The following ZNF18 variants were observed in gnomAD, a reference collection of about 807,000 sequenced individuals.
ZNF18 encodes the protein heart development-specific gene 1 protein.
A neutral mutation model predicts 58.1 loss-of-function variants in ZNF18; 42 were observed. The observed-to-expected ratio is 0.72, with a 90% CI of 0.56 to 0.93. ZNF18 has a LOEUF of 0.93. Among genes scored for constraint, ZNF18 ranks in the 40% least tolerant of loss-of-function variants. The pLI, the probability that ZNF18 is intolerant of heterozygous loss-of-function variation, is 0.00. For missense variants in ZNF18, 540 were observed against 644.2 expected, an observed-to-expected ratio of 0.84 and a Z score of 1.75; for synonymous variants, 231 against 239.8, an observed-to-expected ratio of 0.96 and a Z score of 0.34.
chr17:11,992,789 G>A lies in ZNF18; in HGVS notation c.41C>T (p.Ser14Leu), dbSNP rs142427652. 9.7e-5 allele frequency: 157 copies of A among 1,613,946 alleles called. No homozygotes were observed. In the African/African-American group the frequency reaches 1.1e-3, roughly 11 times the overall value. ...DLGQALGLLP[S>L]LAKAEDSQFS... ...CTGGGAGTCCTCGGCCTTCGCCAGCGATGGCAGCAGGCCTAGGGCCTGCCC... is the reference window on the plus strand; with the variant it reads ...CTGGGAGTCCTCGGCCTTCGCCAGCAATGGCAGCAGGCCTAGGGCCTGCCC... Residue 14 changes from serine to leucine, a missense_variant, in exon 2 of 7, where the codon TCG becomes TTG. Physicochemically the swap from Ser to Leu is moderately radical, Grantham distance 145 (BLOSUM62 -2). Transcript: ENST00000580306.
At chr17:11,990,330 T>C in intron 4 of ZNF18, 132 bp downstream of exon 4, 2 of 674,018 alleles carry the variant, frequency 3.0e-6, no homozygotes, top group South Asian at 4.5e-5. Context: ...CTAGAAAAAG[T>C]AAACTAACAT....
At chr17:12,001,440 T>C (rs1381699016), upstream of ZNF18, among the ~76,000 whole-genome samples, 2 of 151,972 alleles carry the variant, frequency 1.3e-5, no homozygotes, top group African/African-American at 4.8e-5. Context: ...CCATCCTGGC[T>C]AACATGGTGA....
At position 11,990,349 on chromosome 17, in the gene ZNF18, A is replaced by G. The variant is rs1054619675; in HGVS notation, c.666+113T>C. The G allele has an allele frequency of 2.0e-5, 16 of 810,846 alleles. No individual in the cohort carries two copies. In the African/African-American group the frequency reaches 2.6e-4, roughly 13 times the overall value. The allele number at this position is 810,846 out of a possible 1,614,324, so 50.2% of individuals were successfully genotyped here. A position where few individuals can be genotyped will look rare whatever the true frequency, so the allele number is the denominator to read the frequency against. On this transcript the variant is annotated intron_variant, in intron 4 of 6. Transcript: ENST00000580306. ...AAAAAGTAAACTAACATATGGTGAC[A>G]GACAGCAGATCAGAGGTTTCCTCAG...
intron 6 of ZNF18, 97 bp from the exon 7 acceptor site, chr17:11,978,841 T>A: frequency 7.2e-5 from 15 of 208,338 alleles, no homozygotes; most frequent in South Asian, 2.4e-4. Flanking sequence ...ATTCATTTTC[T>A]TTTTTTTTTT....
the ZNF18 span, among the ~76,000 whole-genome samples, chr17:12,005,627 T>G: frequency 7.9e-5 from 12 of 152,300 alleles, no homozygotes; most frequent in Admixed American, 3.9e-4. Context: ...TAACTAAGTG[T>G]CAAAAATAAA....
chr17:11,978,825 T>C, intron 6 of ZNF18, 81 bp from the exon 7 acceptor site: 2 of 312,710 alleles, frequency 6.4e-6, no homozygotes. Flanking sequence ...AGGGTCATCA[T>C]AAAACATTCA....
chr17:11,985,384 G>T (rs974034912), intron 4 of ZNF18, among the ~76,000 whole-genome samples: 10 of 152,178 alleles, frequency 6.6e-5, no homozygotes, highest in Non-Finnish European at 1.2e-4. Context: ...CCACTTTCTA[G>T]CTGTGCAACC....
chr17:11,978,505 T>C lies in ZNF18; in HGVS notation c.1102A>G (p.Lys368Glu), dbSNP rs376345871. The C allele has an allele frequency of 1.2e-6, 2 of 1,607,904 alleles. No individual in the cohort carries two copies. The highest frequency in any genetic ancestry group is 8.5e-7 in the Non-Finnish European group (1 of 1,177,146). ...QLSPQERISE[K>E]QLGQHLPNPH... The stretch of plus-strand genomic sequence containing the variant: ...TTAGGCAAATGCTGACCTAGTTGTT[T>C]CTCAGAAATCCTTTCTTGAGGAGAC... Residue 368 changes from lysine to glutamate, a missense_variant, in exon 7 of 7, where the codon AAA becomes GAA. By Grantham distance (56) the Lys-to-Glu change is moderately conservative (BLOSUM62 1). Transcript: ENST00000580306.
At position 11,992,953 on chromosome 17, in the gene ZNF18, A is replaced by G. The variant is rs922078094; in HGVS notation, c.-82-42T>C. The G allele has an allele frequency of 5.1e-6, 6 of 1,167,954 alleles. No individual in the cohort carries two copies. In the African/African-American group the frequency reaches 9.3e-5, roughly 18 times the overall value. The allele number at this position is 1,167,954 out of a possible 1,614,324, so 72.3% of individuals were successfully genotyped here. On this transcript the variant is annotated intron_variant, in intron 1 of 6. Transcript: ENST00000580306. The stretch of plus-strand genomic sequence containing the variant: ...ATTGAGTGCTACACAGAGGAAGGGG[A>G]CACATTTTCAGAAAGAACAAATTCA...
chr17:12,008,404 T>C, the ZNF18 span, among the ~76,000 whole-genome samples: 5 of 152,170 alleles, frequency 3.3e-5, no homozygotes, highest in Admixed American at 6.5e-5. Context: ...CTAGCTACGT[T>C]GCCCAGGCTA....
At chr17:12,015,940 G>A in the ZNF18 span, among the ~76,000 whole-genome samples, 36 of 152,108 alleles carry the variant, frequency 2.4e-4, no homozygotes, top group Non-Finnish European at 4.6e-4. Flanking sequence ...ATAGGCATGC[G>A]CCACCACACC....
In ZNF18 at chr17:11,978,043, AT is replaced by A. The variant is rs1967098935; in HGVS notation, c.1563del (p.Lys521AsnfsTer23). ...CTGAAACTTTTCCCACAGTGCGAACATTTATAAGGTTTCTCTCCAGTGTGAA... is the reference window on the plus strand; with the variant it reads ...CTGAAACTTTTCCCACAGTGCGAACATTATAAGGTTTCTCTCCAGTGTGAA... ...QRVHTGEKPY[K>X]CSHCGKSFSW... On this transcript the variant is annotated frameshift_variant, in exon 7 of 7. Transcript: ENST00000580306. LOFTEE classifies it high-confidence loss of function. 2.5e-6 allele frequency: 4 copies of A among 1,612,884 alleles called. No homozygotes were observed. In the Admixed American group the frequency reaches 6.7e-5, roughly 27 times the overall value.
the ZNF18 span, among the ~76,000 whole-genome samples, chr17:12,007,310 T>C: frequency 3.3e-5 from 5 of 152,196 alleles, no homozygotes; most frequent in African/African-American, 9.7e-5. Context: ...CTTCTTTATC[T>C]CATTAGCCAG....
chr17:11,990,725 C>T (rs2151482380), intron 3 of ZNF18, among the ~76,000 whole-genome samples, 175 bp from the exon 4 acceptor site: 1 of 152,306 alleles, frequency 6.6e-6, no homozygotes, highest in South Asian at 2.1e-4. Flanking sequence ...CTCCAACATT[C>T]CAGTCTCACC....
At chr17:11,999,957 C>A (rs1968627825), upstream of ZNF18, among the ~76,000 whole-genome samples, 1 of 152,176 alleles carries the variant, frequency 6.6e-6, no homozygotes, top group Admixed American at 6.5e-5. Flanking sequence ...GAGACAGAAT[C>A]TTGCTCTGTT....
At chr17:12,010,925 T>C in the ZNF18 span, 4 of 586,268 alleles carry the variant, frequency 6.8e-6, no homozygotes, top group East Asian at 5.9e-5. Flanking sequence ...ATCTTGGCTC[T>C]TCACGTGCTT....
chr17:11,993,223 G>A (rs1393905700), intron 1 of ZNF18, among the ~76,000 whole-genome samples: 13 of 152,048 alleles, frequency 8.5e-5, no homozygotes, highest in Admixed American at 8.5e-4. Context: ...CCAGGTAAAC[G>A]GCTCTTCTAC....
intron 6 of ZNF18, among the ~76,000 whole-genome samples, chr17:11,980,429 C>CT (rs113663204): frequency 2.6e-5 from 4 of 151,358 alleles, no homozygotes; most frequent in East Asian, 3.9e-4. Flanking sequence ...GTCATGAAAA[C>CT]TTTTTTTTTG....
chr17:12,006,989 C>T, the ZNF18 span, among the ~76,000 whole-genome samples: 22 of 152,228 alleles, frequency 1.4e-4, no homozygotes, highest in East Asian at 4.1e-3. Context: ...TAGCTAACTA[C>T]CATTAATGTA....
Sources: gnomAD v4.1 joint callset for allele counts (sites outside exome capture counted in the v4.1 genomes callset) on GRCh38, gnomAD v4.1.1 for gene constraint, MANE v1.5 for transcripts, NCBI Gene and HGNC (gene_info 2026-07-23, HGNC 2026-07-21) for gene names.